The following DEPDC5 variants were observed in gnomAD, a reference collection of about 807,000 sequenced individuals.
The protein encoded by DEPDC5 is GATOR1 complex protein DEPDC5.
Under a neutral mutation model 217.3 loss-of-function variants are expected in DEPDC5, and 73 were observed. The observed-to-expected ratio is 0.34, with a 90% CI of 0.28 to 0.41. The LOEUF (loss-of-function observed/expected upper bound fraction) is 0.41, where lower values mean the gene tolerates loss of function less well. Among genes scored for constraint, DEPDC5 ranks in the 10% least tolerant of loss-of-function variants. The probability of loss-of-function intolerance (pLI) is 1.00; values close to 1 mark genes in which losing one functional copy is unlikely to be tolerated. For missense variants in DEPDC5, 1,675 were observed against 2,070.1 expected (o/e 0.81, Z 3.70); for synonymous variants, 733 against 756.7 (o/e 0.97, Z 0.51).
At chr22:31,884,178 G>A (rs1055655904) in intron 38 of DEPDC5, among the ~76,000 whole-genome samples, 3 of 151,996 alleles carry the variant, frequency 2.0e-5, no homozygotes, top group Non-Finnish European at 4.4e-5. Context: ...ATCTGCCCTC[G>A]CCCAGTAGCT....
intron 2 of DEPDC5, chr22:31,757,303 A>C (rs1444615045): frequency 2.0e-5 from 3 of 152,136 alleles, no homozygotes; most frequent in Admixed American, 6.6e-5. Context: ...CATTATGCTG[A>C]TTGGGTGTCT....
At chr22:31,896,374 T>G (rs1602890518) in intron 39 of DEPDC5, among the ~76,000 whole-genome samples, 1 of 152,230 alleles carries the variant, frequency 6.6e-6, no homozygotes. Flanking sequence ...ATTTTTGTTA[T>G]GAACATTCCG....
chr22:31,830,318 C>T (rs2090489587), intron 24 of DEPDC5, among the ~76,000 whole-genome samples: 1 of 152,246 alleles, frequency 6.6e-6, no homozygotes, highest in Admixed American at 6.5e-5. Flanking sequence ...CATTGGCTTC[C>T]GAAGTCTATG....
At chr22:31,775,452 A>G (rs1569515967) in intron 7 of DEPDC5, among the ~76,000 whole-genome samples, 1 of 152,122 alleles carries the variant, frequency 6.6e-6, no homozygotes. Flanking sequence ...TGTTGGGATT[A>G]CAGATGTGAG....
intron 7 of DEPDC5, among the ~76,000 whole-genome samples, chr22:31,775,067 T>C (rs550002476): frequency 3.9e-5 from 6 of 152,312 alleles, no homozygotes; most frequent in Admixed American, 3.9e-4. Flanking sequence ...CTTCTTCATT[T>C]TGGCATGGGG....
intron 38 of DEPDC5, among the ~76,000 whole-genome samples, chr22:31,888,513 A>G (rs1203470889): frequency 6.6e-6 from 1 of 150,582 alleles, no homozygotes; most frequent in Admixed American, 6.6e-5. Context: ...TGGCCTCCCA[A>G]AGTGCTGGGA....
Position 31,836,989 on chromosome 22 carries a change from C to G in DEPDC5, c.2188C>G (p.Pro730Ala), listed in dbSNP as rs1307485546. 1.2e-6 allele frequency: 2 copies of G among 1,613,734 alleles called. No individual in the cohort carries two copies. Among genetic ancestry groups the G allele is most frequent in the Non-Finnish European group, 1.7e-6 (2 of 1,179,870 alleles). ...TGAGGCAGTTCTGACACTGTCTGCT[C>G]CCCCTGTAGTGCCAGGCTTCTGTTG... is the stretch of plus-strand genomic sequence containing the variant. ...SPDPILTLSAPPVVPGFCCTV... is the reference protein window; with the variant it reads ...SPDPILTLSAAPVVPGFCCTV... The change falls in exon 26 of 43, where the codon CCC becomes GCC. Residue 730 changes from proline to alanine, a missense_variant. This residue lies in a region of DEPDC5 where 136 missense variants were observed against 132.2 expected (regional missense o/e 1.03). Coordinates refer to ENST00000651528, the MANE Select transcript of DEPDC5 (RefSeq NM_001242896.3).
chr22:31,767,122 C>A (rs113184648), intron 6 of DEPDC5, among the ~76,000 whole-genome samples: 1 of 151,032 alleles, frequency 6.6e-6, no homozygotes, highest in Non-Finnish European at 1.5e-5. Context: ...TACCCTCTTC[C>A]CGTTTTCCAC....
chr22:31,905,006 T>TA (rs1307418612), intron 41 of DEPDC5, among the ~76,000 whole-genome samples: 5 of 152,068 alleles, frequency 3.3e-5, no homozygotes, highest in African/African-American at 1.2e-4. Context: ...CCCTCAGACT[T>TA]AGAGGGCAGG....
chr22:31,897,664 T>C lies in DEPDC5; in HGVS notation c.4375+11T>C. 1.2e-6 allele frequency: 2 copies of C among 1,613,454 alleles called. No individual in the cohort carries two copies. Among genetic ancestry groups the C allele is most frequent in the Non-Finnish European group, 1.7e-6 (2 of 1,179,754 alleles). On this transcript the variant is annotated intron_variant, in intron 40 of 42. Coordinates refer to ENST00000651528, the MANE Select transcript of DEPDC5 (RefSeq NM_001242896.3). ...AGCACCTGTTTGATAGTAAGAAATA[T>C]TCCCTTCTGGAGGTTGTCTCAACCA...
intron 33 of DEPDC5, 110 bp from the exon 34 acceptor site, chr22:31,870,476 TTTTG>T: frequency 1.7e-6 from 2 of 1,172,710 alleles, no homozygotes; most frequent in Admixed American, 3.9e-5. Flanking sequence ...TTGCATTAAT[TTTTG>T]TTTATTTTTT....
intron 22 of DEPDC5, among the ~76,000 whole-genome samples, chr22:31,820,840 CCT>C (rs112471240): frequency 2.0e-5 from 3 of 152,328 alleles, no homozygotes; most frequent in African/African-American, 7.2e-5. Context: ...ATCAGGGTTC[CCT>C]GTCTTCCTCA....
chr22:31,878,514 G>C (rs1007848198), intron 37 of DEPDC5, among the ~76,000 whole-genome samples: 2 of 151,156 alleles, frequency 1.3e-5, no homozygotes, highest in Non-Finnish European at 2.9e-5. Flanking sequence ...GATCAGCCTG[G>C]GCAAGAAACA....
Position 31,870,596 on chromosome 22 carries a change from G to A in DEPDC5, c.3337G>A (p.Val1113Met). ...ATTTTTAAATCTCCTGCAGGTATCT[G>A]TGGACCAAACAGCCACTCCTATGTT... ...ASSAFYPQVS[V>M]DQTATPMLDG... is the part of the protein sequence containing the mutation. The change falls in exon 34 of 43, where the codon GTG becomes ATG. Residue 1113 changes from valine to methionine, a missense_variant. Val to Met is a conservative substitution (Grantham distance 21). Around this residue, in one of 11 missense-constraint regions of DEPDC5, gnomAD observed 126 missense variants for 113.8 expected, o/e 1.11. Transcript: ENST00000651528. 2 of 1,530,070 alleles carry A rather than the reference G, an allele frequency of 1.3e-6. No homozygotes were observed. The highest frequency in any genetic ancestry group is 2.3e-5 in the Admixed American group (1 of 43,914). 94.8% of individuals were successfully genotyped at this position (1,530,070 alleles called of 1,614,324 possible).
chr22:31,874,529 T>C, intron 36 of DEPDC5, 124 bp downstream of exon 36: 1 of 1,215,612 alleles, frequency 8.2e-7, no homozygotes, highest in Non-Finnish European at 1.1e-6. Context: ...TTTTTTTTAA[T>C]AAGTGGGAGG....
At chr22:31,901,135 C>T (rs933427497) in intron 40 of DEPDC5, among the ~76,000 whole-genome samples, 1 of 151,312 alleles carries the variant, frequency 6.6e-6, no homozygotes, top group Admixed American at 6.6e-5. Flanking sequence ...CCCAGCTACT[C>T]GGGAGGCTGA....
chr22:31,850,860 A>G (rs1287536016), intron 31 of DEPDC5, among the ~76,000 whole-genome samples: 3 of 152,154 alleles, frequency 2.0e-5, no homozygotes, highest in East Asian at 3.9e-4. Context: ...CACAAGGTCA[A>G]GAGATTGAGA....
chr22:31,785,985 A>G (rs1342291083), intron 10 of DEPDC5, among the ~76,000 whole-genome samples: 1 of 152,112 alleles, frequency 6.6e-6, no homozygotes, highest in Non-Finnish European at 1.5e-5. Flanking sequence ...AGCTAAAGTC[A>G]TCTGGGTGCG....
At chr22:31,854,197 A>G (rs1008293618) in intron 31 of DEPDC5, among the ~76,000 whole-genome samples, 7 of 152,208 alleles carry the variant, frequency 4.6e-5, no homozygotes, top group South Asian at 2.1e-4. Context: ...TTCCTGAGCC[A>G]TTAGAAGAAG....
Sources: gnomAD v4.1 joint callset for allele counts (sites outside exome capture counted in the v4.1 genomes callset) on GRCh38, gnomAD v4.1.1 for gene constraint, gnomAD v4.1.1 regional missense constraint, MANE v1.5 for transcripts, NCBI Gene and HGNC (gene_info 2026-07-23, HGNC 2026-07-21) for gene names.